USP42: variants seen among roughly 807,000 people sequenced by gnomAD.
The protein encoded by USP42 is ubiquitin specific peptidase 42, also known as ubiquitin carboxyl-terminal hydrolase 42.
In USP42, 23 loss-of-function variants were observed where a neutral mutation model predicts 113.0. The observed-to-expected ratio is 0.20, with a 90% CI of 0.15 to 0.29. USP42 has a LOEUF of 0.29. Among genes scored for constraint, USP42 ranks in the 10% least tolerant of loss-of-function variants. The probability of loss-of-function intolerance (pLI) is 1.00; values close to 1 mark genes in which losing one functional copy is unlikely to be tolerated. For missense variants in USP42, 2,174 were observed against 1,779.8 expected, an observed-to-expected ratio of 1.22 and a Z score of -3.99; for synonymous variants, 933 against 699.0, an observed-to-expected ratio of 1.33 and a Z score of -5.28.
upstream of USP42, among the ~76,000 whole-genome samples, chr7:6,102,582 G>A (rs189438651): frequency 4.7e-5 from 7 of 150,536 alleles, no homozygotes; most frequent in East Asian, 3.9e-4. Flanking sequence ...GCAACATAGC[G>A]AGCCCGTCTC....
At chr7:6,131,768 C>T (rs1185051629) in intron 3 of USP42, among the ~76,000 whole-genome samples, 1 of 152,162 alleles carries the variant, frequency 6.6e-6, no homozygotes, top group Admixed American at 6.6e-5. Context: ...ATGTCTCTTT[C>T]TCTTTCTACC....
chr7:6,116,513 A>C (rs916195745), intron 3 of USP42: 5 of 258,846 alleles, frequency 1.9e-5, no homozygotes, highest in African/African-American at 2.4e-5. Flanking sequence ...GCTCAGATTC[A>C]TGTGTGTATG....
chr7:6,156,667 G>T, intron 15 of USP42, 87 bp from the exon 16 acceptor site: 1 of 1,449,240 alleles, frequency 6.9e-7, no homozygotes, highest in Non-Finnish European at 9.1e-7. Flanking sequence ...AATGTTCTCG[G>T]TGAATGGGTG....
chr7:6,106,739 T>TC (rs1241033768), intron 1 of USP42, among the ~76,000 whole-genome samples: 4 of 152,094 alleles, frequency 2.6e-5, no homozygotes, highest in African/African-American at 9.7e-5. Flanking sequence ...TAATTTTTTT[T>TC]TTTTTTCTTA....
At chr7:6,126,287 T>G (rs1008466315) in intron 3 of USP42, among the ~76,000 whole-genome samples, 5 of 149,726 alleles carry the variant, frequency 3.3e-5, no homozygotes, top group African/African-American at 1.2e-4. Context: ...CGCCACAGTT[T>G]CTTTTTTTTT....
the USP42 span, among the ~76,000 whole-genome samples, chr7:6,092,550 C>A: frequency 5.9e-5 from 9 of 151,310 alleles, no homozygotes; most frequent in East Asian, 1.7e-3. Flanking sequence ...AGGGGTAAAC[C>A]CATCCACTAA....
In USP42 at chr7:6,156,784, G is replaced by T. The variant is rs748443022; in HGVS notation, c.3672G>T (p.Ala1224=). ...AGCAGGACTCAGACCTCTCAGCAGCGTGCTCTGACGCTGACCTCCACAGAC... is the reference window on the plus strand; with the variant it reads ...AGCAGGACTCAGACCTCTCAGCAGCTTGCTCTGACGCTGACCTCCACAGAC... The part of the protein sequence containing the change: ...RHQQDSDLSA[A]CSDADLHRHK... Residue 1224 remains alanine (A), a synonymous_variant, in exon 16 of 18, where the codon GCG becomes GCT. Coordinates refer to ENST00000306177, the MANE Select transcript of USP42 (RefSeq NM_032172.3). The T allele has an allele frequency of 6.3e-7, 1 of 1,582,274 alleles. No homozygotes were observed. Among genetic ancestry groups the T allele is most frequent in the Admixed American group, 1.9e-5 (1 of 53,098 alleles).
Position 6,154,830 on chromosome 7 carries a change from G to C in USP42, c.3276G>C (p.Pro1092=), listed in dbSNP as rs1481056650. ...AGCGGGCCGGGCTGCACGAGCGGCC[G>C]CACAAGGACCACAACCGGGGCCGTA... ...EHERAGLHER[P]HKDHNRGRRG... Residue 1092 remains proline, a synonymous_variant, in exon 15 of 18, where the codon CCG becomes CCC. Transcript: ENST00000306177. 1 of 1,540,380 alleles carries C rather than the reference G, an allele frequency of 6.5e-7. No individual in the cohort carries two copies. The highest frequency in any genetic ancestry group is 1.4e-5 in the African/African-American group (1 of 72,602).
chr7:6,153,292 T>TGAAAC (rs1782179248), intron 14 of USP42, among the ~76,000 whole-genome samples: 1 of 117,418 alleles, frequency 8.5e-6, no homozygotes, highest in Non-Finnish European at 1.7e-5. Context: ...CAAAACAAAA[T>TGAAAC]GAAACAAAAC....
chr7:6,148,875 CAGG>C (rs1425729765), intron 12 of USP42, among the ~76,000 whole-genome samples: 1 of 152,182 alleles, frequency 6.6e-6, no homozygotes, highest in Admixed American at 6.5e-5. Context: ...CTCTGGCAAA[CAGG>C]AGGGCATGTG....
rs1005402757 is a variant in USP42 at position 6,150,425 on chromosome 7, C to T, written c.2120C>T (p.Pro707Leu). Residue 707 changes from proline (P) to leucine (L), a missense_variant, in exon 14 of 18, where the codon CCT (proline) becomes CTT (leucine). Physicochemically the swap from Pro to Leu is moderately conservative, Grantham distance 98 (BLOSUM62 -3). Transcript: ENST00000306177. ...TTTTTATTGCAGTTGATGCCTGCTC[C>T]TTTGCTGTCTCTCCCAGAAGACAAA... Reference protein sequence around the residue: ...NGLPGKLMPAPLLSLPEDKIL... With the variant: ...NGLPGKLMPALLLSLPEDKIL... The T allele has an allele frequency of 2.5e-6, 4 of 1,613,944 alleles. No homozygotes were observed. The highest frequency in any genetic ancestry group is 1.6e-4 in the Middle Eastern group (1 of 6,062).
At chr7:6,152,864 G>T in intron 14 of USP42, 1 of 882,450 alleles carries the variant, frequency 1.1e-6, no homozygotes, top group African/African-American at 1.8e-5. Context: ...TTTGGAGGTG[G>T]CCCCTCTACC....
chr7:6,130,619 G>A (rs1780800115), intron 3 of USP42, among the ~76,000 whole-genome samples: 1 of 152,168 alleles, frequency 6.6e-6, no homozygotes, highest in African/African-American at 2.4e-5. Flanking sequence ...TATGGGTTAG[G>A]GTGCCTTGCT....
chr7:6,145,228 G>A (rs1246336946), intron 9 of USP42, among the ~76,000 whole-genome samples: 1 of 152,076 alleles, frequency 6.6e-6, no homozygotes, highest in African/African-American at 2.4e-5. Context: ...CTACTCGGGA[G>A]GCTGAGGCAG....
At chr7:6,150,835 G>A (rs189735953) in intron 14 of USP42, among the ~76,000 whole-genome samples, 1 of 152,300 alleles carries the variant, frequency 6.6e-6, no homozygotes, top group Non-Finnish European at 1.5e-5. Flanking sequence ...ATGATGATGT[G>A]AGGGTGTGCT....
At chr7:6,110,123 C>T (rs536611190) in intron 1 of USP42, among the ~76,000 whole-genome samples, 27 of 152,130 alleles carry the variant, frequency 1.8e-4, no homozygotes, top group East Asian at 5.8e-4. Flanking sequence ...CATGAGCCAC[C>T]GCGCCCGGCC....
At chr7:6,126,104 A>C (rs1780528173) in intron 3 of USP42, among the ~76,000 whole-genome samples, 1 of 152,114 alleles carries the variant, frequency 6.6e-6, no homozygotes, top group Non-Finnish European at 1.5e-5. Context: ...TCTGGTGACC[A>C]CTGATTCTCC....
the USP42 span, among the ~76,000 whole-genome samples, chr7:6,082,133 C>CTT: frequency 7.0e-6 from 1 of 142,946 alleles, no homozygotes; most frequent in African/African-American, 2.6e-5. Flanking sequence ...CGAATTTATC[C>CTT]TTTTTTTTTT....
At chr7:6,141,264 G>A (rs1204262391) in intron 7 of USP42, among the ~76,000 whole-genome samples, 2 of 145,820 alleles carry the variant, frequency 1.4e-5, no homozygotes, top group Non-Finnish European at 3.0e-5. Flanking sequence ...ATGCAGTGGC[G>A]TGATCTCGGC....
Sources: allele counts gnomAD v4.1 joint callset (sites outside exome capture counted in the v4.1 genomes callset), GRCh38; gene constraint gnomAD v4.1.1; transcripts MANE v1.5; gene names NCBI Gene and HGNC (gene_info 2026-07-23, HGNC 2026-07-21).